Variants in COG6 observed in about 807,000 individuals in gnomAD.
COG6 encodes the protein component of oligomeric golgi complex 6, also known as conserved oligomeric Golgi complex subunit 6.
A neutral mutation model predicts 88.8 loss-of-function variants in COG6; 74 were observed. That is an observed-to-expected ratio of 0.83 (90% CI 0.69 to 1.01). The LOEUF (loss-of-function observed/expected upper bound fraction) is 1.01, where lower values mean the gene tolerates loss of function less well. COG6 is among the 50% of genes least tolerant of loss of function. The pLI is 0.00. For synonymous variants in COG6, 286 were observed against 278.7 expected (o/e 1.03, Z -0.26); for missense variants, 800 against 797.9 (o/e 1.00, Z -0.03).
chr13:39,782,366 G>A (rs1296752138), intron 18 of COG6, among the ~76,000 whole-genome samples: 1 of 152,186 alleles, frequency 6.6e-6, no homozygotes, highest in Non-Finnish European at 1.5e-5. Context: ...AGCAGATGCA[G>A]ATCTATTTTA....
chr13:39,730,318 A>T (rs1426307626), intron 18 of COG6, among the ~76,000 whole-genome samples: 1 of 152,160 alleles, frequency 6.6e-6, no homozygotes, highest in Non-Finnish European at 1.5e-5. Context: ...TCATTCAGAA[A>T]TATTTTTAAA....
At position 39,761,903 on chromosome 13, in the gene COG6, A is replaced by AATGCAT. The variant is rs1371194704; in HGVS notation, c.1827-26427_1827-26422dup. ...GTTGACAAGAATGCACAGAAATGGG[A>AATGCAT]ATGCATATGCTGTTGTAAATTAGTC... On this transcript the variant is annotated intron_variant, in intron 18 of 18. Transcript: ENST00000416691. 4.6e-5 allele frequency among the ~76,000 whole-genome samples: 7 copies of AATGCAT among 152,052 alleles called. No homozygotes were observed. In the East Asian group the frequency reaches 1.3e-3, roughly 29 times the overall value.
intron 4 of COG6, among the ~76,000 whole-genome samples, chr13:39,667,119 T>G (rs1025038733): frequency 6.6e-6 from 1 of 152,102 alleles, no homozygotes; most frequent in African/African-American, 2.4e-5. Flanking sequence ...AGATTTTGTT[T>G]GAAAAAAGAG....
In COG6 at chr13:39,706,255, T is replaced by TCA. The variant is rs1555278573; in HGVS notation, c.1284+6637_1284+6638insCA. Among the ~76,000 whole-genome samples, 2 of 114,672 alleles carry TCA rather than the reference T, an allele frequency of 1.7e-5. 1 individual carries two copies. Among genetic ancestry groups the TCA allele is most frequent in the Non-Finnish European group, 3.6e-5 (2 of 55,182 alleles). 75.2% of individuals were successfully genotyped at this position (114,672 alleles called of 152,430 possible). A position where few individuals can be genotyped will look rare whatever the true frequency, so the allele number is the denominator to read the frequency against. On this transcript the variant is annotated intron_variant, in intron 13 of 18. Coordinates refer to ENST00000455146, the MANE Select transcript of COG6 (RefSeq NM_020751.3). ...CTCCTTTATATATATATATACTCCT[T>TCA]TATATATATATATATATATATATTT...
At chr13:39,660,103 G>A (rs1331955436) in intron 2 of COG6, among the ~76,000 whole-genome samples, 2 of 152,032 alleles carry the variant, frequency 1.3e-5, no homozygotes, top group Admixed American at 6.5e-5. Context: ...TGGTTTCAAT[G>A]AGTGTTCAAT....
chr13:39,710,443 G>A (rs979235745), intron 13 of COG6, among the ~76,000 whole-genome samples: 1 of 152,020 alleles, frequency 6.6e-6, no homozygotes, highest in Non-Finnish European at 1.5e-5. Context: ...TGGGACTGCT[G>A]TATGGAGAAT....
At chr13:39,756,321 G>C (rs1337396439), downstream of COG6, among the ~76,000 whole-genome samples, 1 of 151,906 alleles carries the variant, frequency 6.6e-6, no homozygotes, top group Non-Finnish European at 1.5e-5. Context: ...TTGAAGGTGG[G>C]TCAGTTGAGA....
chr13:39,724,679 A>G (rs1000166046), intron 17 of COG6, 118 bp downstream of exon 17: 2 of 779,270 alleles, frequency 2.6e-6, no homozygotes, highest in Non-Finnish European at 4.5e-6. Context: ...ATGCTGTATT[A>G]ACGTTGGGTC....
chr13:39,689,531 G>A (rs1317349408), intron 10 of COG6, among the ~76,000 whole-genome samples: 1 of 151,922 alleles, frequency 6.6e-6, no homozygotes, highest in Non-Finnish European at 1.5e-5. Context: ...AAAGTCAGAT[G>A]AATTAACAAG....
chr13:39,719,451 A>G, intron 14 of COG6, 84 bp downstream of exon 14: 2 of 1,363,484 alleles, frequency 1.5e-6, no homozygotes, highest in Non-Finnish European at 1.0e-6. Flanking sequence ...TGTAATTCAT[A>G]TACTTTGACA....
intron 18 of COG6, among the ~76,000 whole-genome samples, chr13:39,761,897 A>T (rs1177473062): frequency 6.6e-6 from 1 of 151,874 alleles, no homozygotes; most frequent in Non-Finnish European, 1.5e-5. Context: ...AATGCACAGA[A>T]ATGGGAATGC....
intron 12 of COG6, among the ~76,000 whole-genome samples, chr13:39,698,418 A>G (rs1443707209): frequency 6.6e-6 from 1 of 151,966 alleles, no homozygotes; most frequent in Non-Finnish European, 1.5e-5. Context: ...TATAAGTATT[A>G]TGGCTACTGG....
chr13:39,711,502 T>C (rs1414299951), intron 13 of COG6, among the ~76,000 whole-genome samples: 1 of 85,636 alleles, frequency 1.2e-5, no homozygotes, highest in Non-Finnish European at 2.6e-5. Context: ...GTCTAAGCTC[T>C]GCCCCTTCTA....
chr13:39,681,028 G>T (rs1385956967), intron 7 of COG6, among the ~76,000 whole-genome samples: 1 of 152,186 alleles, frequency 6.6e-6, no homozygotes, highest in African/African-American at 2.4e-5. Flanking sequence ...TGCCTACCAG[G>T]AATGCTTTAT....
rs550881547 is a variant in COG6 at position 39,715,901 on chromosome 13, C to T, written c.1285-3335C>T. 2.6e-5 allele frequency among the ~76,000 whole-genome samples: 4 copies of T among 152,010 alleles called. No homozygotes were observed. The South Asian group carries it at 6.2e-4, about 24-fold the overall frequency. On this transcript the variant is annotated intron_variant, in intron 13 of 18. Transcript: ENST00000455146. ...CAAAGATGAAAATTTTTAAAAAACC[C>T]TCTTCTTGGAAATAACATTAGTTAA...
intron 18 of COG6, among the ~76,000 whole-genome samples, chr13:39,739,702 G>T (rs1879948984): frequency 6.6e-6 from 1 of 152,078 alleles, no homozygotes; most frequent in Non-Finnish European, 1.5e-5. Context: ...ACTTAATGAT[G>T]AAACATTAGA....
intron 18 of COG6, among the ~76,000 whole-genome samples, chr13:39,779,409 A>G (rs577393379): frequency 1.2e-4 from 18 of 152,272 alleles, no homozygotes; most frequent in African/African-American, 4.3e-4. Context: ...ACATCATCCT[A>G]TTGGGCTTTG....
chr13:39,759,698 A>G (rs2138162083), intron 18 of COG6, among the ~76,000 whole-genome samples: 1 of 152,304 alleles, frequency 6.6e-6, no homozygotes, highest in South Asian at 2.1e-4. Context: ...TCTATAAACT[A>G]GCTGAGAAAT....
At chr13:39,691,813 C>A (rs963760942) in intron 11 of COG6, among the ~76,000 whole-genome samples, 1 of 151,854 alleles carries the variant, frequency 6.6e-6, no homozygotes, top group Non-Finnish European at 1.5e-5. Context: ...TCAATCTGCT[C>A]TTGTAATCCC....
Sources: allele counts gnomAD v4.1 joint callset (sites outside exome capture counted in the v4.1 genomes callset), GRCh38; gene constraint gnomAD v4.1.1; transcripts MANE v1.5; gene names NCBI Gene and HGNC (gene_info 2026-07-23, HGNC 2026-07-21).